NET1: variants seen among roughly 807,000 people sequenced by gnomAD.
NET1 encodes the protein neuroepithelial cell transforming 1, also known as neuroepithelial cell-transforming gene 1 protein.
In NET1, 42 loss-of-function variants were observed where a neutral mutation model predicts 61.1. The observed-to-expected ratio is 0.69, with a 90% CI of 0.54 to 0.89. NET1 has a LOEUF of 0.89. Among genes scored for constraint, NET1 ranks in the 40% least tolerant of loss-of-function variants. NET1 has a pLI of 0.00. For missense variants in NET1, 654 were observed against 747.3 expected (o/e 0.88, Z 1.46); for synonymous variants, 254 against 281.8 (o/e 0.90, Z 0.99).
rs1832729329 is a variant in NET1 at position 5,452,769 on chromosome 10, G to GT, written c.532-87dup. The GT allele has an allele frequency of 8.1e-7, 1 of 1,228,206 alleles. No individual in the cohort carries two copies. Among genetic ancestry groups the GT allele is most frequent in the Admixed American group, 2.1e-5 (1 of 46,990 alleles). 76.1% of individuals were successfully genotyped at this position (1,228,206 alleles called of 1,614,324 possible). Reference sequence around the variant, plus strand: ...AGACTGAGTTACTTTTTAAAATGCCGTTCAAAACATCAAATAATGTAATTA... The same window carrying GT: ...AGACTGAGTTACTTTTTAAAATGCCGTTTCAAAACATCAAATAATGTAATTA... On this transcript the variant is annotated intron_variant, in intron 5 of 11. Transcript: ENST00000355029. This position sits in a 1 kb window ranked among gnomAD's most constrained non-coding sequence, Gnocchi z 4.0.
Position 5,417,521 on chromosome 10 carries a change from G to A in NET1, c.128+4701G>A, listed in dbSNP as rs983403420. Among the ~76,000 whole-genome samples, 5 of 152,026 alleles carry A rather than the reference G, an allele frequency of 3.3e-5. No individual in the cohort carries two copies. Among genetic ancestry groups the A allele is most frequent in the East Asian group, 1.9e-4 (1 of 5,200 alleles). On this transcript the variant is annotated intron_variant, in intron 1 of 11. Transcript: ENST00000355029. This position sits in a 1 kb window ranked among gnomAD's most constrained non-coding sequence, Gnocchi z 5.5. The stretch of plus-strand genomic sequence containing the variant: ...TACATACAATTGATTTTTGTATATC[G>A]ATCTTGGATCCTGCTACCTTGCTGA...
In NET1 at chr10:5,412,790, C is replaced by T. The variant is rs1208890071; in HGVS notation, c.98C>T (p.Ala33Val). The T allele has an allele frequency of 1.4e-6, 2 of 1,451,054 alleles. No individual in the cohort carries two copies. Among genetic ancestry groups the T allele is most frequent in the Middle Eastern group, 2.3e-4 (1 of 4,256 alleles). The allele number at this position is 1,451,054 out of a possible 1,614,324, so 89.9% of individuals were successfully genotyped here. A position where few individuals can be genotyped will look rare whatever the true frequency, so the allele number is the denominator to read the frequency against. The change falls in exon 1 of 12, where the codon GCC (alanine) becomes GTC (valine). Residue 33 changes from alanine (A) to valine (V), a missense_variant. Coordinates refer to ENST00000355029, the MANE Select transcript of NET1 (RefSeq NM_001047160.3). The surrounding 1 kb of genome is among the most constrained non-coding windows in gnomAD (Gnocchi z 6.5). ...ACGGAGGGAGCGACGGGGCCTTCGG[C>T]CGACACCTCCGGGTCGGAGCTGGAC... ...LSTEGATGPS[A>V]DTSGSELDGR... is the part of the protein sequence containing the mutation.
Position 5,431,106 on chromosome 10 carries a change from C to T in NET1, c.255+1877C>T, listed in dbSNP as rs1455660762. Among the ~76,000 whole-genome samples, 2 of 151,562 alleles carry T rather than the reference C, an allele frequency of 1.3e-5. No homozygotes were observed. The highest frequency in any genetic ancestry group is 1.5e-5 in the Non-Finnish European group (1 of 67,856). ...CAGGATGGTCTCGATCTCCTGACCT[C>T]GTGATCCGCCTGCCTCGGCCTCCCA... is the stretch of plus-strand genomic sequence containing the variant. On this transcript the variant is annotated intron_variant, in intron 3 of 11. Transcript: ENST00000355029. This position sits in a 1 kb window ranked among gnomAD's most constrained non-coding sequence, Gnocchi z 4.9.
chr10:5,412,728 AC>A lies in NET1; in HGVS notation c.38del (p.Pro13ArgfsTer43), dbSNP rs1226885162. ...AGCTGGCGGCTCAGAAGCAGCCTCG[AC>A]CGCGGAGGCGAAGCCGCCGGGCCTC... Reference protein sequence around the residue: ...PELAAQKQPRPRRRSRRASGL... With the variant: ...PELAAQKQPRXRRRSRRASGL... On this transcript the variant is annotated frameshift_variant, in exon 1 of 12. Coordinates refer to ENST00000355029, the MANE Select transcript of NET1 (RefSeq NM_001047160.3). LOFTEE classifies it high-confidence loss of function. This position sits in a 1 kb window ranked among gnomAD's most constrained non-coding sequence, Gnocchi z 6.5. The A allele has an allele frequency of 8.1e-6, 12 of 1,479,540 alleles. No homozygotes were observed. The highest frequency in any genetic ancestry group is 2.4e-5 in the Admixed American group (1 of 40,888). 91.7% of individuals were successfully genotyped at this position (1,479,540 alleles called of 1,614,324 possible).
At position 5,456,220 on chromosome 10, in the gene NET1, G is replaced by C; in HGVS notation, c.1331G>C (p.Gly444Ala). The change falls in exon 11 of 12, where the codon GGA becomes GCA. Residue 444 changes from glycine (G) to alanine (A), a missense_variant. Transcript: ENST00000355029. This position sits in a 1 kb window ranked among gnomAD's most constrained non-coding sequence, Gnocchi z 7.0. ...CTAGTCCTAGAAGACCTGCAGGATG[G>C]AGATGTGAGAATGGGAGGCTCCTTT... ...QELVLEDLQD[G>A]DVRMGGSFRG... 6.2e-7 allele frequency: 1 copy of C among 1,614,152 alleles called. No homozygotes were observed. The highest frequency in any genetic ancestry group is 8.5e-7 in the Non-Finnish European group (1 of 1,180,022).
rs1175354888 is a variant in NET1, at chr10:5,449,399, T to G, written c.256-2431T>G. 6.6e-6 allele frequency among the ~76,000 whole-genome samples: 1 copy of G among 152,134 alleles called. No individual in the cohort carries two copies. Among genetic ancestry groups the G allele is most frequent in the Non-Finnish European group, 1.5e-5 (1 of 68,032 alleles). ...CCAACCTGTATTTCCTGAGTAAGCA[T>G]CATACTTCCCAAGACATCCTAGATT... On this transcript the variant is annotated intron_variant, in intron 3 of 11. Coordinates refer to ENST00000355029, the MANE Select transcript of NET1 (RefSeq NM_001047160.3). This position sits in a 1 kb window ranked among gnomAD's most constrained non-coding sequence, Gnocchi z 4.4.
At position 5,429,411 on chromosome 10, in the gene NET1, C is replaced by T. The variant is rs1475190716; in HGVS notation, c.255+182C>T. Among the ~76,000 whole-genome samples the T allele has an allele frequency of 2.0e-5, 3 of 152,034 alleles. No individual in the cohort carries two copies. The East Asian group carries it at 5.8e-4, about 29-fold the overall frequency. On this transcript the variant is annotated intron_variant, in intron 3 of 11. Coordinates refer to ENST00000355029, the MANE Select transcript of NET1 (RefSeq NM_001047160.3). The stretch of plus-strand genomic sequence containing the variant: ...CACCGTCTTTTTTGCTATTCTACTT[C>T]TTTGTTAAGAATGAGGGAGAAACCA...
At chr10:5,442,867 A>C (rs1283521964) in intron 3 of NET1, among the ~76,000 whole-genome samples, 4 of 121,640 alleles carry the variant, frequency 3.3e-5, no homozygotes, top group Admixed American at 9.2e-5. Context: ...ACAGAGCAAG[A>C]CCCTGTCTTT....
In NET1 at chr10:5,447,926, A is replaced by G. The variant is rs1832643225; in HGVS notation, c.256-3904A>G. Among the ~76,000 whole-genome samples, 1 of 152,222 alleles carries G rather than the reference A, an allele frequency of 6.6e-6. No homozygotes were observed. The highest frequency in any genetic ancestry group is 2.1e-4 in the South Asian group (1 of 4,836). ...AAGCTGGCCTTTGTTTAGTATCAGC[A>G]TGGGCTGTGTTTCTGCCTTACCTTT... On this transcript the variant is annotated intron_variant, in intron 3 of 11. Transcript: ENST00000355029. This position sits in a 1 kb window ranked among gnomAD's most constrained non-coding sequence, Gnocchi z 4.1.
chr10:5,430,794 G>T (rs1000889294), intron 3 of NET1, among the ~76,000 whole-genome samples: 13 of 150,938 alleles, frequency 8.6e-5, no homozygotes, highest in Non-Finnish European at 1.8e-4. Flanking sequence ...TTTTTTGTTT[G>T]TTTAGGTTTT....
Position 5,454,144 on chromosome 10 carries a change from G to T in NET1, c.769-121G>T, listed in dbSNP as rs1832757136. On this transcript the variant is annotated intron_variant, in intron 8 of 11. Transcript: ENST00000355029. This position sits in a 1 kb window ranked among gnomAD's most constrained non-coding sequence, Gnocchi z 8.1. ...CTTCCATTATTATCTGCCAGAAAAT[G>T]TCCACAGCTTGTTAAAACTCTCAAG... 1.3e-5 allele frequency: 13 copies of T among 1,018,380 alleles called. No homozygotes were observed. Among genetic ancestry groups the T allele is most frequent in the Middle Eastern group, 2.2e-4 (1 of 4,616 alleles). The allele number at this position is 1,018,380 out of a possible 1,614,324, so 63.1% of individuals were successfully genotyped here.
rs191340849 is a variant in NET1 at position 5,449,495 on chromosome 10, G to T, written c.256-2335G>T. ...TATAGTTGGATTTTTAAAGGACTGT[G>T]GAACATATTTAACCACCAAATACCA... On this transcript the variant is annotated intron_variant, in intron 3 of 11. Coordinates refer to ENST00000355029, the MANE Select transcript of NET1 (RefSeq NM_001047160.3). This position sits in a 1 kb window ranked among gnomAD's most constrained non-coding sequence, Gnocchi z 4.4. Among the ~76,000 whole-genome samples, 1 of 152,234 alleles carries T rather than the reference G, an allele frequency of 6.6e-6. No individual in the cohort carries two copies. The highest frequency in any genetic ancestry group is 6.5e-5 in the Admixed American group (1 of 15,296).
rs1403756591 is a variant in NET1 at position 5,435,797 on chromosome 10, G to C, written c.255+6568G>C. On this transcript the variant is annotated intron_variant, in intron 3 of 11. Coordinates refer to ENST00000355029, the MANE Select transcript of NET1 (RefSeq NM_001047160.3). The surrounding 1 kb of genome is among the most constrained non-coding windows in gnomAD (Gnocchi z 5.0). ...TGATTGTTTATCAAATTTTTCTCTA[G>C]GTAAAATTTCAGCCTTGTCTTACTA... Among the ~76,000 whole-genome samples, 1 of 151,824 alleles carries C rather than the reference G, an allele frequency of 6.6e-6. No homozygotes were observed.
Position 5,453,668 on chromosome 10 carries a change from A to G in NET1, c.768+108A>G, listed in dbSNP as rs760430774. 220 of 958,024 alleles carry G rather than the reference A, an allele frequency of 2.3e-4. No individual in the cohort carries two copies. The highest frequency in any genetic ancestry group is 3.4e-4 in the Non-Finnish European group (204 of 596,740). 59.3% of individuals were successfully genotyped at this position (958,024 alleles called of 1,614,324 possible). A position where few individuals can be genotyped will look rare whatever the true frequency, so the allele number is the denominator to read the frequency against. ...GATCCCACAACTCTGTTCTACAAAC[A>G]CATAAGGCGTTAAAACTGAACAAAT... On this transcript the variant is annotated intron_variant, in intron 8 of 11. Transcript: ENST00000355029. This position sits in a 1 kb window ranked among gnomAD's most constrained non-coding sequence, Gnocchi z 4.9.
rs1464116580 is a variant in NET1 at position 5,422,429 on chromosome 10, C to T, written c.129-4226C>T. ...ATTATCAGGTCCTACGGTAAACTTA[C>T]CACTAACATCTTAAGGAATTGCCAC... On this transcript the variant is annotated intron_variant, in intron 1 of 11. Transcript: ENST00000355029. This position sits in a 1 kb window ranked among gnomAD's most constrained non-coding sequence, Gnocchi z 4.1. Among the ~76,000 whole-genome samples, 1 of 152,044 alleles carries T rather than the reference C, an allele frequency of 6.6e-6. No individual in the cohort carries two copies. Among genetic ancestry groups the T allele is most frequent in the African/African-American group, 2.4e-5 (1 of 41,376 alleles).
chr10:5,439,382 T>C lies in NET1; in HGVS notation c.255+10153T>C, dbSNP rs1393891863. 6.6e-6 allele frequency among the ~76,000 whole-genome samples: 1 copy of C among 152,228 alleles called. No individual in the cohort carries two copies. The highest frequency in any genetic ancestry group is 2.4e-5 in the African/African-American group (1 of 41,460). The stretch of plus-strand genomic sequence containing the variant: ...TTTAGAGACCTACTCCACCCCTAGA[T>C]GAAGAGTTGAAAGAGAAGTACCAGT... On this transcript the variant is annotated intron_variant, in intron 3 of 11. Transcript: ENST00000355029. This position sits in a 1 kb window ranked among gnomAD's most constrained non-coding sequence, Gnocchi z 4.8.
At chr10:5,445,748 T>A (rs1192222720) in intron 3 of NET1, among the ~76,000 whole-genome samples, 1 of 152,238 alleles carries the variant, frequency 6.6e-6, no homozygotes, top group African/African-American at 2.4e-5. Context: ...GTCATTATTG[T>A]CACTTCACCT....
chr10:5,455,594 A>C lies in NET1; in HGVS notation c.1197+476A>C, dbSNP rs1832783432. On this transcript the variant is annotated intron_variant, in intron 10 of 11. Coordinates refer to ENST00000355029, the MANE Select transcript of NET1 (RefSeq NM_001047160.3). The surrounding 1 kb of genome is among the most constrained non-coding windows in gnomAD (Gnocchi z 6.5). ...TATTTTTGTTTCATCATGCATTTTC[A>C]AAAGCCCAATTTATAAGTTGGAGTT... Among the ~76,000 whole-genome samples the C allele has an allele frequency of 6.6e-6, 1 of 152,238 alleles. No homozygotes were observed. The highest frequency in any genetic ancestry group is 2.1e-4 in the South Asian group (1 of 4,834).
At chr10:5,436,186 TTGTGTGTGTGTGTGTG>T (rs139070024) in intron 3 of NET1, among the ~76,000 whole-genome samples, 6 of 21,288 alleles carry the variant, frequency 2.8e-4, no homozygotes, top group African/African-American at 8.1e-4. Flanking sequence ...TGTGTGTGTG[TTGTGTGTGTGTGTGTG>T]TGTGTGTGTG....
Sources: gnomAD v4.1 joint callset for allele counts (sites outside exome capture counted in the v4.1 genomes callset) on GRCh38, gnomAD v4.1.1 for gene constraint, Gnocchi (gnomAD v3.1) non-coding constraint, MANE v1.5 for transcripts, NCBI Gene and HGNC (gene_info 2026-07-23, HGNC 2026-07-21) for gene names.